The following NELFB variants were observed in gnomAD, a reference collection of about 807,000 sequenced individuals.
NELFB encodes the protein negative elongation factor B.
Under a neutral mutation model 60.2 loss-of-function variants are expected in NELFB, and 34 were observed. The ratio of observed to expected loss-of-function variants is 0.56; its 90% CI spans 0.43 to 0.75. NELFB has a LOEUF of 0.75. Among genes scored for constraint, NELFB ranks in the 30% least tolerant of loss-of-function variants. The pLI is 0.00. For synonymous variants in NELFB, 459 were observed against 382.1 expected (o/e 1.20, Z -2.35); for missense variants, 770 against 831.6 (o/e 0.93, Z 0.91).
rs1837563215 is a variant in NELFB, at chr9:137,256,962, A to G, written c.649A>G (p.Ile217Val). 1.2e-6 allele frequency: 2 copies of G among 1,614,158 alleles called. No individual in the cohort carries two copies. Among genetic ancestry groups the G allele is most frequent in the Non-Finnish European group, 1.7e-6 (2 of 1,180,036 alleles). Residue 217 changes from isoleucine (I) to valine (V), a missense_variant, in exon 4 of 13, where the codon ATC (isoleucine) becomes GTC (valine). By Grantham distance (29) the Ile-to-Val change is conservative. Transcript: ENST00000343053. Reference sequence around the variant, plus strand: ...GGTTTCCCCACTCCTGAAGCAGTACATCCTGGAGAAGGAGAGCGCTCTCTT... The same window carrying G: ...GGTTTCCCCACTCCTGAAGCAGTACGTCCTGGAGAAGGAGAGCGCTCTCTT...
rs772551182 is a variant in NELFB at position 137,263,232 on chromosome 9, C to T, written c.927+10C>T. ...GGACCCGTGCCACAAGGTAGCACTG[C>T]CCTCCCTCCTTCCCCCCTACCCTCC... On this transcript the variant is annotated intron_variant, in intron 5 of 12. Coordinates refer to ENST00000343053, the MANE Select transcript of NELFB (RefSeq NM_015456.5). The T allele has an allele frequency of 2.9e-5, 47 of 1,597,590 alleles. No homozygotes were observed. Among genetic ancestry groups the T allele is most frequent in the Non-Finnish European group, 3.7e-5 (43 of 1,169,648 alleles).
Position 137,267,027 on chromosome 9 carries a change from T to G in NELFB, c.1323T>G (p.Leu441=). 1 of 1,614,084 alleles carries G rather than the reference T, an allele frequency of 6.2e-7. No individual in the cohort carries two copies. The highest frequency in any genetic ancestry group is 8.5e-7 in the Non-Finnish European group (1 of 1,180,020). Residue 441 remains leucine, a synonymous_variant, in exon 9 of 13, where the codon CTT becomes CTG. Transcript: ENST00000343053. Reference sequence around the variant, plus strand: ...ACACTTTCAATGTGGATCAGAAACTTCCGGCTGAGGAGAAAGCCCCAGTCT... The same window carrying G: ...ACACTTTCAATGTGGATCAGAAACTGCCGGCTGAGGAGAAAGCCCCAGTCT...
intron 10 of NELFB, among the ~76,000 whole-genome samples, chr9:137,271,444 C>T (rs935466554): frequency 6.6e-6 from 1 of 152,284 alleles, no homozygotes; most frequent in Non-Finnish European, 1.5e-5. Flanking sequence ...CGCCCTCCCT[C>T]CCTGCAGGGG....
rs1344363179 is a variant in NELFB, at chr9:137,272,850, G to A, written c.1809G>A (p.Lys603=). The A allele has an allele frequency of 5.2e-6, 8 of 1,549,726 alleles. No individual in the cohort carries two copies. In the Admixed American group the frequency reaches 1.2e-4, roughly 23 times the overall value. ...AGCTGGAACAGCTGGATCACCGGAA[G>A]CCCAGCCCGGCACAGGCTGCGGAGA... is the stretch of plus-strand genomic sequence containing the variant. The change falls in exon 13 of 13, where the codon AAG becomes AAA. Residue 603 remains lysine (K), a synonymous_variant. Coordinates refer to ENST00000343053, the MANE Select transcript of NELFB (RefSeq NM_015456.5).
In NELFB at chr9:137,266,414, G is replaced by A. The variant is rs779261038; in HGVS notation, c.1227G>A (p.Lys409=). Reference sequence around the variant, plus strand: ...ACATGATCGACAGCCAGGTCTTCAAGGAGCCCAAGATGGTAACGAGCCTCC... The same window carrying A: ...ACATGATCGACAGCCAGGTCTTCAAAGAGCCCAAGATGGTAACGAGCCTCC... The change falls in exon 8 of 13, where the codon AAG becomes AAA. Residue 409 remains lysine (K), a synonymous_variant. Coordinates refer to ENST00000343053, the MANE Select transcript of NELFB (RefSeq NM_015456.5). 2 of 1,612,900 alleles carry A rather than the reference G, an allele frequency of 1.2e-6. No individual in the cohort carries two copies. Among genetic ancestry groups the A allele is most frequent in the Non-Finnish European group, 1.7e-6 (2 of 1,179,940 alleles).
chr9:137,258,267 G>A (rs985832480), intron 4 of NELFB, among the ~76,000 whole-genome samples: 2 of 151,434 alleles, frequency 1.3e-5, no homozygotes, highest in Non-Finnish European at 2.9e-5. Flanking sequence ...GGGACCACCG[G>A]TGTGTGACAC....
At chr9:137,271,352 G>T (rs941706664) in intron 10 of NELFB, among the ~76,000 whole-genome samples, 18 of 152,254 alleles carry the variant, frequency 1.2e-4, no homozygotes, top group Admixed American at 1.3e-4. Context: ...GGGATACTAG[G>T]AAGGCCATCC....
chr9:137,262,023 T>C (rs1245115587), intron 4 of NELFB, among the ~76,000 whole-genome samples: 4 of 152,156 alleles, frequency 2.6e-5, no homozygotes, highest in African/African-American at 9.7e-5. Context: ...TACGCCGTTA[T>C]TTCTGCGTAT....
At chr9:137,265,358 T>A (rs1450918249) in intron 6 of NELFB, among the ~76,000 whole-genome samples, 2 of 147,490 alleles carry the variant, frequency 1.4e-5, no homozygotes, top group Non-Finnish European at 3.0e-5. Context: ...AATCTTTGAA[T>A]AGGTTAAGGA....
intron 5 of NELFB, among the ~76,000 whole-genome samples, chr9:137,263,768 G>T (rs763500215): frequency 6.6e-6 from 1 of 151,992 alleles, no homozygotes; most frequent in Non-Finnish European, 1.5e-5. Flanking sequence ...TATGACCTAC[G>T]GGCTGGACCT....
intron 5 of NELFB, among the ~76,000 whole-genome samples, chr9:137,263,922 C>T (rs1034404698): frequency 2.6e-5 from 4 of 152,218 alleles, no homozygotes; most frequent in African/African-American, 4.8e-5. Context: ...AGCCCTGAGA[C>T]CATCTTTCCG....
chr9:137,263,562 C>A (rs28545084), intron 5 of NELFB, among the ~76,000 whole-genome samples: 1 of 149,058 alleles, frequency 6.7e-6, no homozygotes, highest in Middle Eastern at 3.4e-3. Flanking sequence ...TGGCTTGGCC[C>A]GGGACCACCT....
intron 8 of NELFB, 36 bp downstream of exon 8, chr9:137,266,462 C>T (rs775066594): frequency 8.2e-6 from 13 of 1,583,290 alleles, no homozygotes; most frequent in Non-Finnish European, 1.1e-5. Context: ...CAGTTTCCTA[C>T]GAGGGGTTGT....
intron 4 of NELFB, among the ~76,000 whole-genome samples, chr9:137,262,043 T>C (rs1028543983): frequency 1.3e-4 from 20 of 152,008 alleles, no homozygotes; most frequent in African/African-American, 4.8e-4. Context: ...TCAGAGACTT[T>C]TAGTACTTTC....
At chr9:137,267,860 C>T (rs1432664917) in intron 10 of NELFB, among the ~76,000 whole-genome samples, 1 of 152,150 alleles carries the variant, frequency 6.6e-6, no homozygotes, top group Non-Finnish European at 1.5e-5. Context: ...CAACTTTGTG[C>T]TTTCCCACAA....
At chr9:137,265,031 C>CTTTT (rs60479210) in intron 6 of NELFB, among the ~76,000 whole-genome samples, 32 of 126,154 alleles carry the variant, frequency 2.5e-4, no homozygotes, top group East Asian at 1.4e-3. Context: ...TTTTTTCTTC[C>CTTTT]TTTTTTTTTT....
At position 137,272,850 on chromosome 9, in the gene NELFB, G is replaced by T. The variant is rs1344363179; in HGVS notation, c.1809G>T (p.Lys603Asn). 1.3e-6 allele frequency: 2 copies of T among 1,549,844 alleles called. No homozygotes were observed. The highest frequency in any genetic ancestry group is 3.9e-5 in the Admixed American group (2 of 50,978). ...AGCTGGAACAGCTGGATCACCGGAA[G>T]CCCAGCCCGGCACAGGCTGCGGAGA... The change falls in exon 13 of 13, where the codon AAG becomes AAT. Residue 603 changes from lysine to asparagine, a missense_variant. Transcript: ENST00000343053.
rs1037785732 is a variant in NELFB at position 137,266,031 on chromosome 9, G to A, written c.1143+52G>A. The A allele has an allele frequency of 7.2e-6, 10 of 1,393,638 alleles. No individual in the cohort carries two copies. The Admixed American group carries it at 1.0e-4, about 14-fold the overall frequency. The allele number at this position is 1,393,638 out of a possible 1,614,324, so 86.3% of individuals were successfully genotyped here. On this transcript the variant is annotated intron_variant, in intron 7 of 12. Coordinates refer to ENST00000343053, the MANE Select transcript of NELFB (RefSeq NM_015456.5). ...TCGGGGCCATGCGGCCACTCCGCTG[G>A]CTGCTCTGGGTGGTCAGGGTGTGGA...
chr9:137,272,100 G>T lies in NELFB; in HGVS notation c.1509G>T (p.Leu503Phe). Residue 503 changes from leucine to phenylalanine, a missense_variant, in exon 11 of 13, where the codon TTG (leucine) becomes TTT (phenylalanine). Physicochemically the swap from Leu to Phe is conservative, Grantham distance 22. Transcript: ENST00000343053. ...CTGCAGTGGAGACCTTTGGCGACTT[G>T]GCCTTTGGCGACATCTTCCTCCACC... is the stretch of plus-strand genomic sequence containing the variant. The T allele has an allele frequency of 6.2e-7, 1 of 1,614,158 alleles. No homozygotes were observed. Among genetic ancestry groups the T allele is most frequent in the Non-Finnish European group, 8.5e-7 (1 of 1,180,008 alleles).
Sources: allele counts gnomAD v4.1 joint callset (sites outside exome capture counted in the v4.1 genomes callset), GRCh38; gene constraint gnomAD v4.1.1; transcripts MANE v1.5; gene names NCBI Gene and HGNC (gene_info 2026-07-23, HGNC 2026-07-21).